Variants in PDE10A observed in about 807,000 individuals in gnomAD.
PDE10A encodes the protein phosphodiesterase 10A.
A neutral mutation model predicts 97.7 loss-of-function variants in PDE10A; 39 were observed. The ratio of observed to expected loss-of-function variants is 0.40; its 90% CI spans 0.31 to 0.52. The LOEUF is 0.52. PDE10A is among the 20% of genes least tolerant of loss of function. PDE10A has a pLI of 0.56. For synonymous variants in PDE10A, 371 were observed against 376.8 expected (o/e 0.98, Z 0.18); for missense variants, 731 against 1,047.8 (o/e 0.70, Z 4.17).
At position 165,396,467 on chromosome 6, in the gene PDE10A, G is replaced by A; in HGVS notation, c.2077-8C>T. ...GCGAATTCTATGATACATCTAGAAGGCAAATCCAAAAAAAAAACCCCCAAA... is the reference window on the plus strand; with the variant it reads ...GCGAATTCTATGATACATCTAGAAGACAAATCCAAAAAAAAAACCCCCAAA... On this transcript the variant is annotated splice_polypyrimidine_tract_variant and splice_region_variant and intron_variant, in intron 13 of 21. Transcript: ENST00000539869. 1 of 1,578,008 alleles carries A rather than the reference G, an allele frequency of 6.3e-7. No individual in the cohort carries two copies. Among genetic ancestry groups the A allele is most frequent in the East Asian group, 2.3e-5 (1 of 44,432 alleles).
At chr6:165,854,328 G>A (rs1780653692) in intron 1 of PDE10A, among the ~76,000 whole-genome samples, 1 of 152,184 alleles carries the variant, frequency 6.6e-6, no homozygotes, top group Non-Finnish European at 1.5e-5. Context: ...GCCTGGCACA[G>A]GGACCCAGGG....
chr6:165,576,027 C>T (rs114101107), intron 1 of PDE10A, among the ~76,000 whole-genome samples: 338 of 152,326 alleles, frequency 2.2e-3, no homozygotes, highest in African/African-American at 7.9e-3. Context: ...TTGGAAATTT[C>T]TCCTACATAA....
At chr6:165,640,912 G>A (rs1005817553) in intron 1 of PDE10A, among the ~76,000 whole-genome samples, 4 of 152,234 alleles carry the variant, frequency 2.6e-5, no homozygotes, top group African/African-American at 9.7e-5. Context: ...GAAATATTCA[G>A]AATAGTTGCA....
chr6:165,805,827 C>T (rs973972228), intron 1 of PDE10A, among the ~76,000 whole-genome samples: 11 of 151,720 alleles, frequency 7.3e-5, no homozygotes, highest in African/African-American at 2.7e-4. Flanking sequence ...TAGGAGGAGC[C>T]GGGCTGATGG....
Position 165,474,086 on chromosome 6 carries a change from T to C in PDE10A, c.1023+8229A>G, listed in dbSNP as rs141662837. 3.0e-3 allele frequency among the ~76,000 whole-genome samples: 461 copies of C among 152,336 alleles called. 1 individual carries two copies. The highest frequency in any genetic ancestry group is 0.01 in the South Asian group (49 of 4,832). ...TGAAGTCACAGGATACAGTTGATTA[T>C]GTTAATCCTCCTTTTTGGGGGAATG... On this transcript the variant is annotated intron_variant, in intron 3 of 21. Coordinates refer to ENST00000539869, the MANE Select transcript of PDE10A (RefSeq NM_001385079.1).
chr6:165,861,885 G>T (rs1336794239), intron 1 of PDE10A, among the ~76,000 whole-genome samples: 2 of 152,162 alleles, frequency 1.3e-5, no homozygotes, highest in Non-Finnish European at 2.9e-5. Context: ...GACAGAAAGG[G>T]TTTTTGCTTT....
chr6:165,448,038 C>G (rs947214191), intron 5 of PDE10A, among the ~76,000 whole-genome samples: 1 of 152,166 alleles, frequency 6.6e-6, no homozygotes, highest in African/African-American at 2.4e-5. Context: ...GCTTTTGTCT[C>G]TATTCCTAGT....
chr6:165,410,130 A>G (rs1227167292), intron 13 of PDE10A, among the ~76,000 whole-genome samples: 1 of 149,608 alleles, frequency 6.7e-6, no homozygotes, highest in Non-Finnish European at 1.5e-5. Context: ...CCCACATCCC[A>G]TTTTGAAACA....
At chr6:165,345,883 A>T (rs1371671346) in intron 18 of PDE10A, among the ~76,000 whole-genome samples, 2 of 152,192 alleles carry the variant, frequency 1.3e-5, no homozygotes, top group Non-Finnish European at 2.9e-5. Context: ...TCAATAAATC[A>T]ATAAATCAAT....
chr6:165,528,978 A>G (rs543823012), intron 2 of PDE10A, among the ~76,000 whole-genome samples: 1 of 152,278 alleles, frequency 6.6e-6, no homozygotes, highest in South Asian at 2.1e-4. Flanking sequence ...TGGAAGTGGA[A>G]GTGGCACCAC....
intron 1 of PDE10A, among the ~76,000 whole-genome samples, chr6:165,825,335 T>C (rs1267950790): frequency 6.6e-6 from 1 of 151,962 alleles, no homozygotes; most frequent in Non-Finnish European, 1.5e-5. Flanking sequence ...TCATTCCTCA[T>C]GGCAAAGTGG....
intron 21 of PDE10A, 71 bp from the exon 22 acceptor site, chr6:165,333,198 C>G (rs924228083): frequency 4.2e-6 from 4 of 942,492 alleles, no homozygotes; most frequent in Admixed American, 1.7e-5. Flanking sequence ...GAAAACTAAC[C>G]AAACAGTCCT....
At chr6:165,485,092 T>C (rs1779822657) in intron 2 of PDE10A, among the ~76,000 whole-genome samples, 1 of 152,184 alleles carries the variant, frequency 6.6e-6, no homozygotes, top group South Asian at 2.1e-4. Flanking sequence ...TCAAGTCCAC[T>C]GTGTATATGT....
At chr6:165,695,774 G>A (rs1045289616) in intron 1 of PDE10A, among the ~76,000 whole-genome samples, 11 of 152,148 alleles carry the variant, frequency 7.2e-5, no homozygotes, top group Admixed American at 4.6e-4. Context: ...TGGTAGGCTC[G>A]CTAGTGCACA....
chr6:165,507,754 T>C (rs577915347), intron 2 of PDE10A, among the ~76,000 whole-genome samples: 1 of 152,184 alleles, frequency 6.6e-6, no homozygotes, highest in South Asian at 2.1e-4. Context: ...CCCTATTGTT[T>C]TGGGGGCTTT....
chr6:165,503,623 T>C (rs904289238), intron 2 of PDE10A, among the ~76,000 whole-genome samples: 8 of 152,154 alleles, frequency 5.3e-5, no homozygotes, highest in African/African-American at 1.9e-4. Context: ...ACTATGATGT[T>C]CCCTAAGTTT....
chr6:165,450,125 C>T, intron 4 of PDE10A, 117 bp downstream of exon 4: 14 of 664,734 alleles, frequency 2.1e-5, no homozygotes, highest in South Asian at 5.5e-5. Flanking sequence ...AAATTTAGTC[C>T]AGAAATAGAA....
At chr6:165,612,998 T>C (rs1052920600) in intron 1 of PDE10A, among the ~76,000 whole-genome samples, 1 of 152,186 alleles carries the variant, frequency 6.6e-6, no homozygotes, top group Admixed American at 6.5e-5. Flanking sequence ...ATTTGACACA[T>C]CAAATATTTA....
rs1583741311 is a variant in PDE10A at position 165,661,310 on chromosome 6, G to C, written c.865+637C>G. ...AGAAGCCCGGGACCAACAGGACGCG[G>C]CCCGGGGTGGGGGTGCGTCCCCTGG... On this transcript the variant is annotated intron_variant, in intron 1 of 21. Transcript: ENST00000539869. The surrounding 1 kb of genome is among the most constrained non-coding windows in gnomAD (Gnocchi z 4.8). 1 of 152,288 alleles carries C rather than the reference G, an allele frequency of 6.6e-6. No individual in the cohort carries two copies. The highest frequency in any genetic ancestry group is 2.4e-5 in the African/African-American group (1 of 41,454). 9.4% of individuals were successfully genotyped at this position (152,288 alleles called of 1,614,324 possible). A position where few individuals can be genotyped will look rare whatever the true frequency, so the allele number is the denominator to read the frequency against.
Sources: allele counts gnomAD v4.1 joint callset (sites outside exome capture counted in the v4.1 genomes callset), GRCh38; gene constraint gnomAD v4.1.1; non-coding constraint Gnocchi (gnomAD v3.1); transcripts MANE v1.5; gene names NCBI Gene and HGNC (gene_info 2026-07-23, HGNC 2026-07-21).